The following SUSD1 variants were observed in gnomAD, a reference collection of about 807,000 sequenced individuals.
The protein encoded by SUSD1 is sushi domain containing 1, also known as sushi domain-containing protein 1.
A neutral mutation model predicts 86.9 loss-of-function variants in SUSD1; 65 were observed. That is an observed-to-expected ratio of 0.75 (90% confidence interval 0.61 to 0.92). The LOEUF (loss-of-function observed/expected upper bound fraction) is 0.92, where lower values mean the gene tolerates loss of function less well. SUSD1 is among the 40% of genes least tolerant of loss of function. SUSD1 has a pLI of 0.00. For synonymous variants in SUSD1, 346 were observed against 350.0 expected, an observed-to-expected ratio of 0.99 and a Z score of 0.13; for missense variants, 850 against 929.7, an observed-to-expected ratio of 0.91 and a Z score of 1.11.
At chr9:112,143,827 T>C (rs1301736266) in intron 3 of SUSD1, among the ~76,000 whole-genome samples, 1 of 152,218 alleles carries the variant, frequency 6.6e-6, no homozygotes, top group Non-Finnish European at 1.5e-5. Context: ...ACTGAAAACA[T>C]AGCAAGTGCT....
At chr9:112,115,520 G>A (rs1264761349) in intron 6 of SUSD1, among the ~76,000 whole-genome samples, 2 of 152,108 alleles carry the variant, frequency 1.3e-5, no homozygotes, top group East Asian at 3.9e-4. Context: ...CTCCAATTGT[G>A]GGCCAAGTGG....
In SUSD1 at chr9:112,149,292, T is replaced by C. The variant is rs759062444; in HGVS notation, c.325A>G (p.Thr109Ala). The change falls in exon 3 of 17, where the codon ACA becomes GCA. Residue 109 changes from threonine to alanine, a missense_variant. By Grantham distance (58) the Thr-to-Ala change is moderately conservative (BLOSUM62 0). Coordinates refer to ENST00000374270, the MANE Select transcript of SUSD1 (RefSeq NM_022486.5). ...GGAATGAATGTCTTGTTGTTGTTTG[T>C]GGCTCGATATCCTTCCAGGCAAATG... ...YCICLEGYRA[T>A]NNNKTFIPND... 29 of 1,614,088 alleles carry C rather than the reference T, an allele frequency of 1.8e-5. No homozygotes were observed. The East Asian group carries it at 6.5e-4, about 36-fold the overall frequency.
chr9:112,145,724 G>GT (rs2131773544), intron 3 of SUSD1, among the ~76,000 whole-genome samples: 1 of 152,092 alleles, frequency 6.6e-6, no homozygotes, highest in East Asian at 1.9e-4. Flanking sequence ...ACCAATTATT[G>GT]TTTGGGAACC....
chr9:112,168,393 C>T (rs1833910309), intron 1 of SUSD1, among the ~76,000 whole-genome samples: 1 of 152,162 alleles, frequency 6.6e-6, no homozygotes, highest in African/African-American at 2.4e-5. Context: ...TCGCCACATC[C>T]TCCCAGCCTT....
At position 112,098,544 on chromosome 9, in the gene SUSD1, TAA is replaced by T; in HGVS notation, c.1398_1399del (p.Asp466GlufsTer12). 1.2e-6 allele frequency: 2 copies of T among 1,614,070 alleles called. No individual in the cohort carries two copies. The highest frequency in any genetic ancestry group is 1.7e-6 in the Non-Finnish European group (2 of 1,180,020). ...TCTCAGCAGGGTCACATTCACCGTA[TAA>T]TCAGTCGTAGGGTACAGATCCAAAC... is the stretch of plus-strand genomic sequence containing the variant. On this transcript the variant is annotated frameshift_variant, in exon 10 of 17. Coordinates refer to ENST00000374270, the MANE Select transcript of SUSD1 (RefSeq NM_022486.5). LOFTEE classifies it high-confidence loss of function.
intron 2 of SUSD1, among the ~76,000 whole-genome samples, chr9:112,149,982 C>G (rs1832975140): frequency 1.3e-5 from 2 of 152,186 alleles, no homozygotes; most frequent in Admixed American, 6.5e-5. Flanking sequence ...CATGGATGCT[C>G]GATGAGTCCC....
chr9:112,170,692 C>CGT (rs1554778938), intron 1 of SUSD1, among the ~76,000 whole-genome samples: 2 of 120,020 alleles, frequency 1.7e-5, no homozygotes, highest in African/African-American at 7.0e-5. Context: ...ATGGCCAGAT[C>CGT]ATATATATAT....
At position 112,070,258 on chromosome 9, in the gene SUSD1, C is replaced by T. The variant is rs551040809; in HGVS notation, c.1754-7225G>A. ...TGACCCCAGGTGATTCCACCTGCCT[C>T]GGCCTCCCAAAGTGCTGGCATTACA... On this transcript the variant is annotated intron_variant, in intron 12 of 16. Transcript: ENST00000374270. Among the ~76,000 whole-genome samples the T allele has an allele frequency of 2.0e-5, 3 of 152,290 alleles. No individual in the cohort carries two copies. The South Asian group carries it at 6.2e-4, about 32-fold the overall frequency.
At chr9:112,056,014 A>C (rs1828432468) in intron 14 of SUSD1, among the ~76,000 whole-genome samples, 1 of 152,194 alleles carries the variant, frequency 6.6e-6, no homozygotes, top group Non-Finnish European at 1.5e-5. Flanking sequence ...TAATCCCAAC[A>C]CTTTGGGAGG....
At chr9:112,075,618 G>A (rs540827345) in intron 12 of SUSD1, among the ~76,000 whole-genome samples, 2 of 152,118 alleles carry the variant, frequency 1.3e-5, no homozygotes, top group African/African-American at 4.8e-5. Flanking sequence ...GGTGGTGAGC[G>A]CCTATAGTCC....
Position 112,080,064 on chromosome 9 carries a change from A to G in SUSD1, c.1566+10T>C, listed in dbSNP as rs1829699365. 1 of 1,596,748 alleles carries G rather than the reference A, an allele frequency of 6.3e-7. No individual in the cohort carries two copies. The highest frequency in any genetic ancestry group is 1.1e-5 in the South Asian group (1 of 90,676). On this transcript the variant is annotated intron_variant, in intron 11 of 16. Coordinates refer to ENST00000374270, the MANE Select transcript of SUSD1 (RefSeq NM_022486.5). ...ACCATCTATAAATACAGTAACTTTC[A>G]GTCACTTACTAAATACATCTCCTCC... is the stretch of plus-strand genomic sequence containing the variant.
Position 112,149,136 on chromosome 9 carries a change from A to G in SUSD1, c.373+108T>C, listed in dbSNP as rs1832933604. 2.8e-6 allele frequency: 4 copies of G among 1,434,944 alleles called. No individual in the cohort carries two copies. In the South Asian group the frequency reaches 5.2e-5, roughly 19 times the overall value. 88.9% of individuals were successfully genotyped at this position (1,434,944 alleles called of 1,614,324 possible). A position where few individuals can be genotyped will look rare whatever the true frequency, so the allele number is the denominator to read the frequency against. On this transcript the variant is annotated intron_variant, in intron 3 of 16. Coordinates refer to ENST00000374270, the MANE Select transcript of SUSD1 (RefSeq NM_022486.5). ...TTATCCTATATACCACAATACCATT[A>G]TGCCATCTAACAAAACTAACATTAA...
chr9:112,149,368 A>G lies in SUSD1; in HGVS notation c.249T>C (p.Leu83=). ...GGCAAGATGTGTGGTTCCCACAGAC[A>G]AGAGTGGCTCCAAACTGGCACTCAT... is the stretch of plus-strand genomic sequence containing the variant. ...DKNECQFGAT[L]VCGNHTSCHN... Residue 83 remains leucine, a synonymous_variant, in exon 3 of 17, where the codon CTT becomes CTC. Transcript: ENST00000374270. 1 of 1,614,156 alleles carries G rather than the reference A, an allele frequency of 6.2e-7. No individual in the cohort carries two copies. Among genetic ancestry groups the G allele is most frequent in the Non-Finnish European group, 8.5e-7 (1 of 1,180,038 alleles).
intron 8 of SUSD1, among the ~76,000 whole-genome samples, chr9:112,105,175 T>A (rs1307268916): frequency 1.3e-5 from 2 of 152,036 alleles, no homozygotes; most frequent in Non-Finnish European, 2.9e-5. Flanking sequence ...ATAGGAAATG[T>A]CAATGCAAAA....
rs543134570 is a variant in SUSD1 at position 112,159,725 on chromosome 9, C to G, written c.104-2112G>C. Among the ~76,000 whole-genome samples, 24 of 152,284 alleles carry G rather than the reference C, an allele frequency of 1.6e-4. 1 individual carries two copies. In the South Asian group the frequency reaches 2.3e-3, roughly 14 times the overall value. On this transcript the variant is annotated intron_variant, in intron 1 of 16. Coordinates refer to ENST00000374270, the MANE Select transcript of SUSD1 (RefSeq NM_022486.5). ...CACTAGGTATAAAAACATATTTACT[C>G]CACAAATGTAAGACTTATGCGTTTT...
Position 112,111,801 on chromosome 9 carries a change from C to T in SUSD1, c.1024G>A (p.Val342Ile), listed in dbSNP as rs754168237. 6.2e-7 allele frequency: 1 copy of T among 1,614,132 alleles called. No individual in the cohort carries two copies. Among genetic ancestry groups the T allele is most frequent in the Non-Finnish European group, 8.5e-7 (1 of 1,180,004 alleles). The change falls in exon 8 of 17, where the codon GTT (valine) becomes ATT (isoleucine). Residue 342 changes from valine (V) to isoleucine (I), a missense_variant. Val to Ile is a conservative substitution (Grantham distance 29, BLOSUM62 3). Coordinates refer to ENST00000374270, the MANE Select transcript of SUSD1 (RefSeq NM_022486.5). ...KGQRLDPMES[V>I]REETVNLTTD... is the part of the protein sequence containing the mutation. ...GTCAAGTTGACTGTCTCCTCACGAA[C>T]TGATTCCATAGGGTCCAACCGTTGT... is the stretch of plus-strand genomic sequence containing the variant.
At chr9:112,117,697 G>A (rs947008186) in intron 6 of SUSD1, among the ~76,000 whole-genome samples, 4 of 152,070 alleles carry the variant, frequency 2.6e-5, no homozygotes, top group African/African-American at 9.7e-5. Flanking sequence ...GTAACTTTAC[G>A]ATGGCAAAGA....
At chr9:112,057,812 T>G (rs1828517654) in intron 14 of SUSD1, among the ~76,000 whole-genome samples, 1 of 152,200 alleles carries the variant, frequency 6.6e-6, no homozygotes, top group African/African-American at 2.4e-5. Context: ...CCATATGAAT[T>G]TACAACAAGC....
intron 11 of SUSD1, 85 bp from the exon 12 acceptor site, chr9:112,078,809 C>CTGTTTTTTTTTTTT (rs1554756866): frequency 1.2e-6 from 1 of 827,768 alleles, no homozygotes; most frequent in African/African-American, 2.4e-5. Flanking sequence ...CTTTTTCTTT[C>CTGTTTTTTTTTTTT]TCTTTTTTTT....
Sources: allele counts gnomAD v4.1 joint callset (sites outside exome capture counted in the v4.1 genomes callset), GRCh38; gene constraint gnomAD v4.1.1; transcripts MANE v1.5; gene names NCBI Gene and HGNC (gene_info 2026-07-23, HGNC 2026-07-21).